ANKRD11: variants seen among roughly 807,000 people sequenced by gnomAD.
The protein encoded by ANKRD11 is ankyrin repeat domain 11.
Under a neutral mutation model 195.7 loss-of-function variants are expected in ANKRD11, and 17 were observed. The observed-to-expected ratio is 0.09, with a 90% CI of 0.06 to 0.13. The LOEUF is 0.13. Ranked by LOEUF, ANKRD11 falls within the 10% of genes least tolerant of loss-of-function variation. The probability of loss-of-function intolerance (pLI) is 1.00; values close to 1 mark genes in which losing one functional copy is unlikely to be tolerated. For missense variants in ANKRD11, 3,735 were observed against 3,566.1 expected, an observed-to-expected ratio of 1.05 and a Z score of -1.21; for synonymous variants, 1,953 against 1,528.1, an observed-to-expected ratio of 1.28 and a Z score of -6.49.
At chr16:89,369,244 G>C (rs2040086612) in intron 2 of ANKRD11, among the ~76,000 whole-genome samples, 1 of 152,226 alleles carries the variant, frequency 6.6e-6, no homozygotes, top group Non-Finnish European at 1.5e-5. Flanking sequence ...AGGCAGTGCA[G>C]CGACCTACAC....
chr16:89,474,420 C>T (rs1221168682), intron 1 of ANKRD11, among the ~76,000 whole-genome samples: 1 of 151,558 alleles, frequency 6.6e-6, no homozygotes, highest in Non-Finnish European at 1.5e-5. Context: ...ACCTTGAGAC[C>T]AGCCTGGGCA....
intron 1 of ANKRD11, among the ~76,000 whole-genome samples, chr16:89,428,338 A>G (rs4785667): frequency 0.055 from 8,313 of 152,208 alleles, 490 homozygotes; most frequent in East Asian, 0.3. Flanking sequence ...ATCCTGGCCA[A>G]CACGGTGAAA....
rs150751968 is a variant in ANKRD11, at chr16:89,384,121, G to A, written c.-60+34163C>T. Among the ~76,000 whole-genome samples the A allele has an allele frequency of 8.9e-3, 1,356 of 152,312 alleles. 8 individuals are homozygous for A. The highest frequency in any genetic ancestry group is 0.014 in the Non-Finnish European group (938 of 68,026). On this transcript the variant is annotated intron_variant, in intron 2 of 12. Coordinates refer to ENST00000301030, the MANE Select transcript of ANKRD11 (RefSeq NM_013275.6). ...TGTAATCCCAGCTACTCAGGAGGCCGAGGCAGGGAGAGTTGCTTGAACCCA... is the reference window on the plus strand; with the variant it reads ...TGTAATCCCAGCTACTCAGGAGGCCAAGGCAGGGAGAGTTGCTTGAACCCA...
chr16:89,332,373 G>GA (rs1351837900), intron 2 of ANKRD11, among the ~76,000 whole-genome samples: 2 of 152,184 alleles, frequency 1.3e-5, no homozygotes, highest in African/African-American at 4.8e-5. Flanking sequence ...TTTTCAGAAA[G>GA]AAACACTGAG....
intron 2 of ANKRD11, chr16:89,323,100 T>C (rs1038600261): frequency 8.5e-5 from 27 of 317,604 alleles, no homozygotes; most frequent in Non-Finnish European, 5.5e-5. Context: ...CTTTTCCAGC[T>C]GAGCCCTGCC....
At chr16:89,472,564 G>A (rs1407903942) in intron 1 of ANKRD11, among the ~76,000 whole-genome samples, 2 of 152,274 alleles carry the variant, frequency 1.3e-5, no homozygotes, top group Non-Finnish European at 2.9e-5. Flanking sequence ...CTGTCCCCCA[G>A]GCTGGAGGGC....
intron 1 of ANKRD11, among the ~76,000 whole-genome samples, chr16:89,439,191 A>G (rs896520927): frequency 1.3e-5 from 2 of 152,170 alleles, no homozygotes; most frequent in African/African-American, 2.4e-5. Context: ...GCAGCACTGA[A>G]GGTTCAAGGA....
rs575027815 is a variant in ANKRD11 at position 89,402,637 on chromosome 16, G to C, written c.-60+15647C>G. Among the ~76,000 whole-genome samples, 315 of 150,086 alleles carry C rather than the reference G, an allele frequency of 2.1e-3. 3 individuals carry two copies. The highest frequency in any genetic ancestry group is 6.8e-3 in the African/African-American group (277 of 40,722). ...TTCAAGCCTTGAGTGAGCTGTGGGT[G>C]GGGGGGGCAGCACTGCAGGGTGAGG... On this transcript the variant is annotated intron_variant, in intron 2 of 12. Transcript: ENST00000301030.
chr16:89,372,374 C>T (rs998430014), intron 2 of ANKRD11, among the ~76,000 whole-genome samples: 5 of 152,170 alleles, frequency 3.3e-5, no homozygotes, highest in South Asian at 4.1e-4. Flanking sequence ...GCCCGAGTCA[C>T]GGAGCCCCAT....
chr16:89,430,821 T>C (rs1190424239), intron 1 of ANKRD11, among the ~76,000 whole-genome samples: 3 of 152,208 alleles, frequency 2.0e-5, no homozygotes, highest in Non-Finnish European at 4.4e-5. Flanking sequence ...AAAGGGAGTT[T>C]GCTCCTCACA....
At chr16:89,429,733 C>G (rs1394854160) in intron 1 of ANKRD11, among the ~76,000 whole-genome samples, 2 of 61,482 alleles carry the variant, frequency 3.3e-5, no homozygotes, top group Admixed American at 1.6e-4. Flanking sequence ...TCAACTCTCA[C>G]GCTCAGTCGT....
chr16:89,457,794 C>A (rs1449273811), intron 1 of ANKRD11, among the ~76,000 whole-genome samples: 1 of 152,016 alleles, frequency 6.6e-6, no homozygotes, highest in East Asian at 1.9e-4. Context: ...TCCTACTGTA[C>A]CTTCTAAAAT....
intron 2 of ANKRD11, among the ~76,000 whole-genome samples, chr16:89,332,014 C>T (rs2038093898): frequency 6.6e-6 from 1 of 151,250 alleles, no homozygotes; most frequent in Non-Finnish European, 1.5e-5. Context: ...CAGTAGCATG[C>T]AGTGGCTGAT....
intron 1 of ANKRD11, among the ~76,000 whole-genome samples, chr16:89,479,322 C>G (rs2057362539): frequency 6.6e-6 from 1 of 151,772 alleles, no homozygotes; most frequent in South Asian, 2.1e-4. Context: ...CTAGATAAAA[C>G]ACATGTGACC....
Position 89,279,690 on chromosome 16 carries a change from G to T in ANKRD11, c.6852C>A (p.Ala2284=). 1 of 1,497,644 alleles carries T rather than the reference G, an allele frequency of 6.7e-7. No homozygotes were observed. Among genetic ancestry groups the T allele is most frequent in the Non-Finnish European group, 8.9e-7 (1 of 1,127,004 alleles). The allele number at this position is 1,497,644 out of a possible 1,614,324, so 92.8% of individuals were successfully genotyped here. The part of the protein sequence containing the change: ...PAPNTVAQAQ[A]ADGAGPEDDT... ...CGTCCTCGGGGCCGGCACCGTCTGC[G>T]GCCTGAGCTTGTGCCACAGTGTTCG... Residue 2284 remains alanine (A), a synonymous_variant, in exon 9 of 13, where the codon GCC becomes GCA. Coordinates refer to ENST00000301030, the MANE Select transcript of ANKRD11 (RefSeq NM_013275.6). This position sits in a 1 kb window ranked among gnomAD's most constrained non-coding sequence, Gnocchi z 5.6.
At chr16:89,370,352 G>A (rs1751729721) in intron 2 of ANKRD11, among the ~76,000 whole-genome samples, 1 of 152,174 alleles carries the variant, frequency 6.6e-6, no homozygotes, top group African/African-American at 2.4e-5. Context: ...TCCAGAAGGG[G>A]AGACAGGCGT....
chr16:89,370,529 A>C (rs1046794075), intron 2 of ANKRD11: 1 of 152,400 alleles, frequency 6.6e-6, no homozygotes, highest in African/African-American at 2.4e-5. Context: ...CAGAGGCTGG[A>C]GCACACCTCC....
intron 2 of ANKRD11, among the ~76,000 whole-genome samples, chr16:89,389,916 G>A (rs1409596220): frequency 4.2e-5 from 4 of 94,390 alleles, no homozygotes; most frequent in African/African-American, 1.3e-4. Flanking sequence ...AGAGATCACT[G>A]GGGCGAACAC....
intron 2 of ANKRD11, among the ~76,000 whole-genome samples, chr16:89,354,155 G>C (rs1291206243): frequency 1.3e-5 from 2 of 150,880 alleles, no homozygotes; most frequent in African/African-American, 2.4e-5. Context: ...TGCACAGATG[G>C]AGGAAAGTAT....
Sources: allele counts gnomAD v4.1 joint callset (sites outside exome capture counted in the v4.1 genomes callset), GRCh38; gene constraint gnomAD v4.1.1; non-coding constraint Gnocchi (gnomAD v3.1); transcripts MANE v1.5; gene names NCBI Gene and HGNC (gene_info 2026-07-23, HGNC 2026-07-21).